The following ST7L variants were observed in gnomAD, a reference collection of about 807,000 sequenced individuals.
ST7L encodes the protein suppression of tumorigenicity 7 like.
Under a neutral mutation model 72.5 loss-of-function variants are expected in ST7L, and 57 were observed. The ratio of observed to expected loss-of-function variants is 0.79; its 90% CI spans 0.64 to 0.98. The LOEUF is 0.98. Among genes scored for constraint, ST7L ranks in the 50% least tolerant of loss-of-function variants. The pLI, the probability that ST7L is intolerant of heterozygous loss-of-function variation, is 0.00. For missense variants in ST7L, 576 were observed against 672.2 expected, an observed-to-expected ratio of 0.86 and a Z score of 1.58; for synonymous variants, 221 against 240.9, an observed-to-expected ratio of 0.92 and a Z score of 0.77.
At chr1:112,619,265 GC>G, upstream of ST7L, 1 of 711,446 alleles carries the variant, frequency 1.4e-6, no homozygotes, top group Non-Finnish European at 2.3e-6. Context: ...AGGTGGAGGA[GC>G]GTGTCTCAAG....
chr1:112,567,952 T>C (rs1427373665), intron 11 of ST7L, among the ~76,000 whole-genome samples: 1 of 152,206 alleles, frequency 6.6e-6, no homozygotes, highest in Non-Finnish European at 1.5e-5. Flanking sequence ...TTGGGCGATA[T>C]TATTCTAACT....
Position 112,524,759 on chromosome 1 carries a change from C to A in ST7L, c.*1254G>T, listed in dbSNP as rs1338063873. 7 of 152,140 alleles carry A rather than the reference C, an allele frequency of 4.6e-5. No homozygotes were observed. The highest frequency in any genetic ancestry group is 3.9e-4 in the Admixed American group (6 of 15,282). The allele number at this position is 152,140 out of a possible 1,614,324, so 9.4% of individuals were successfully genotyped here. The stretch of plus-strand genomic sequence containing the variant: ...CTGAGCACAACCATGAGGTTACACA[C>A]ACACACACAGAGGTGTACATATACA... On this transcript the variant is annotated 3_prime_UTR_variant, in exon 15 of 15. Coordinates refer to ENST00000358039, the MANE Select transcript of ST7L (RefSeq NM_017744.5).
rs562192067 is a variant in ST7L at position 112,538,740 on chromosome 1, C to G, written c.1629+3211G>C. Among the ~76,000 whole-genome samples, 5 of 152,240 alleles carry G rather than the reference C, an allele frequency of 3.3e-5. No homozygotes were observed. The East Asian group carries it at 9.6e-4, about 29-fold the overall frequency. ...TTGAGCTGACTGTTAGGACATATCTCCTTTAAACAAGAAGGGGGTAGGGTT... is the reference window on the plus strand; with the variant it reads ...TTGAGCTGACTGTTAGGACATATCTGCTTTAAACAAGAAGGGGGTAGGGTT... On this transcript the variant is annotated intron_variant, in intron 14 of 14. Coordinates refer to ENST00000358039, the MANE Select transcript of ST7L (RefSeq NM_017744.5).
At chr1:112,585,528 G>A (rs919048685) in intron 6 of ST7L, among the ~76,000 whole-genome samples, 2 of 151,944 alleles carry the variant, frequency 1.3e-5, no homozygotes, top group Admixed American at 6.6e-5. Context: ...GGATCACGAG[G>A]TCAGGAGATC....
intron 13 of ST7L, among the ~76,000 whole-genome samples, chr1:112,549,130 C>A (rs1258687793): frequency 6.6e-6 from 1 of 152,114 alleles, no homozygotes; most frequent in African/African-American, 2.4e-5. Flanking sequence ...TGGTGGTTCA[C>A]GCCTGTAGGC....
chr1:112,618,355 T>G (rs1670271851), intron 1 of ST7L: 3 of 755,840 alleles, frequency 4.0e-6, no homozygotes, highest in Middle Eastern at 6.5e-4. Flanking sequence ...TACTATTTTA[T>G]TACTCAAGAT....
intron 3 of ST7L, among the ~76,000 whole-genome samples, chr1:112,605,062 G>C (rs1182023136): frequency 7.6e-6 from 1 of 131,646 alleles, no homozygotes; most frequent in Non-Finnish European, 1.5e-5. Context: ...ATTCCAGCCT[G>C]AGCAGCAAGA....
At chr1:112,599,073 A>AAAAAAAATATATAT (rs1190968815) in intron 4 of ST7L, among the ~76,000 whole-genome samples, 4 of 56,996 alleles carry the variant, frequency 7.0e-5, no homozygotes, top group Admixed American at 2.8e-4. Flanking sequence ...AAAAAAAAAA[A>AAAAAAAATATATAT]ATATATATAT....
intron 13 of ST7L, among the ~76,000 whole-genome samples, chr1:112,542,390 G>A (rs1656249021): frequency 6.6e-6 from 1 of 152,126 alleles, no homozygotes; most frequent in African/African-American, 2.4e-5. Context: ...TATTAGCTAT[G>A]TGATCTTGAA....
At chr1:112,613,731 T>C (rs938110400) in intron 2 of ST7L, among the ~76,000 whole-genome samples, 2 of 152,044 alleles carry the variant, frequency 1.3e-5, no homozygotes, top group Non-Finnish European at 2.9e-5. Context: ...GTTTTTGTTG[T>C]TGTTGTTTTG....
intron 14 of ST7L, chr1:112,528,588 T>C (rs1653845302): frequency 6.6e-6 from 1 of 152,232 alleles, no homozygotes; most frequent in Non-Finnish European, 1.5e-5. Flanking sequence ...AAGTAAGAGA[T>C]ATCAAATATC....
intron 13 of ST7L, among the ~76,000 whole-genome samples, chr1:112,547,566 T>TTTA (rs1326572319): frequency 7.9e-6 from 1 of 126,962 alleles, no homozygotes; most frequent in Non-Finnish European, 1.7e-5. Flanking sequence ...GTCATCTTTT[T>TTTA]TTTTTTTTTT....
chr1:112,617,206 A>C, intron 1 of ST7L: 1 of 183,492 alleles, frequency 5.4e-6, no homozygotes, highest in Non-Finnish European at 1.1e-5. Context: ...AAGGAGGTTC[A>C]AAACTACTCC....
intron 12 of ST7L, among the ~76,000 whole-genome samples, chr1:112,554,626 T>C (rs555953364): frequency 6.6e-6 from 1 of 152,286 alleles, no homozygotes; most frequent in East Asian, 1.9e-4. Context: ...TCTGGGCATA[T>C]ACCCAAAAGA....
At chr1:112,604,201 T>C (rs1011559849) in intron 3 of ST7L, among the ~76,000 whole-genome samples, 27 of 151,986 alleles carry the variant, frequency 1.8e-4, no homozygotes, top group African/African-American at 6.0e-4. Flanking sequence ...CTCAGCTACC[T>C]GGGAGGCTGA....
intron 10 of ST7L, 69 bp downstream of exon 10, chr1:112,578,276 C>T: frequency 3.6e-6 from 5 of 1,380,636 alleles, no homozygotes; most frequent in South Asian, 1.2e-5. Flanking sequence ...TGTTTAAAGT[C>T]AGTAGAGGAC....
chr1:112,561,727 G>A (rs953391565), intron 11 of ST7L, among the ~76,000 whole-genome samples: 1 of 152,020 alleles, frequency 6.6e-6, no homozygotes, highest in Admixed American at 6.6e-5. Context: ...TGATCTATCT[G>A]CCTTGGCCTC....
At chr1:112,593,894 C>G (rs1666041474) in intron 5 of ST7L, among the ~76,000 whole-genome samples, 1 of 152,006 alleles carries the variant, frequency 6.6e-6, no homozygotes, top group Admixed American at 6.6e-5. Flanking sequence ...AAATCATGAC[C>G]TTTATGTGAG....
At chr1:112,571,217 A>C (rs932918103) in intron 11 of ST7L, 20 of 422,852 alleles carry the variant, frequency 4.7e-5, no homozygotes, top group African/African-American at 4.0e-4. Flanking sequence ...GTGTTTCATA[A>C]CACTCGGCTT....
Sources: allele counts gnomAD v4.1 joint callset (sites outside exome capture counted in the v4.1 genomes callset), GRCh38; gene constraint gnomAD v4.1.1; transcripts MANE v1.5; gene names NCBI Gene and HGNC (gene_info 2026-07-23, HGNC 2026-07-21).